Variants in THSD4 observed in about 807,000 individuals in gnomAD.
The protein encoded by THSD4 is thrombospondin type-1 domain-containing protein 4.
THSD4 carries 69 observed loss-of-function variants against 119.0 expected under a neutral mutation model. The ratio of observed to expected loss-of-function variants is 0.58; its 90% CI spans 0.48 to 0.71. The LOEUF is 0.71. Among genes scored for constraint, THSD4 ranks in the 30% least tolerant of loss-of-function variants. The probability of loss-of-function intolerance (pLI) is 0.00; values close to 1 mark genes in which losing one functional copy is unlikely to be tolerated. For synonymous variants in THSD4, 524 were observed against 540.4 expected (o/e 0.97, Z 0.42); for missense variants, 1,393 against 1,391.1 (o/e 1.00, Z -0.02).
chr15:71,342,525 G>C (rs972102297), intron 6 of THSD4: 1 of 152,770 alleles, frequency 6.5e-6, no homozygotes, highest in Non-Finnish European at 1.5e-5. Flanking sequence ...TTTCACTCCG[G>C]GTTTCCTTGC....
rs145303415 is a variant in THSD4, at chr15:71,777,267, G to A, written c.2950G>A (p.Val984Met). ...NCKDKYYNCN[V>M]VVQARLCVYN... ...CAAGGACAAGTACTACAACTGCAACGTGGTGGTCCAGGCAAGACTCTGTGT... is the reference window on the plus strand; with the variant it reads ...CAAGGACAAGTACTACAACTGCAACATGGTGGTCCAGGCAAGACTCTGTGT... The change falls in exon 18 of 18, where the codon GTG (valine) becomes ATG (methionine). Residue 984 changes from valine to methionine, a missense_variant. By Grantham distance (21) the Val-to-Met change is conservative. Coordinates refer to ENST00000261862, the MANE Select transcript of THSD4 (RefSeq NM_024817.3). 10 of 1,614,100 alleles carry A rather than the reference G, an allele frequency of 6.2e-6. No homozygotes were observed. The highest frequency in any genetic ancestry group is 5.3e-5 in the African/African-American group (4 of 74,946).
chr15:71,546,892 C>G (rs1595874585), intron 7 of THSD4, among the ~76,000 whole-genome samples: 1 of 152,172 alleles, frequency 6.6e-6, no homozygotes, highest in Non-Finnish European at 1.5e-5. Flanking sequence ...CAGCCCAGAG[C>G]GGACTGGCAA....
intron 7 of THSD4, among the ~76,000 whole-genome samples, chr15:71,597,196 C>T (rs555845097): frequency 3.9e-5 from 6 of 152,016 alleles, no homozygotes; most frequent in Non-Finnish European, 7.4e-5. Flanking sequence ...TTCTTGGGGA[C>T]GTTTTCTGTC....
chr15:71,235,442 T>A (rs1195599622), intron 4 of THSD4, among the ~76,000 whole-genome samples: 1 of 152,176 alleles, frequency 6.6e-6, no homozygotes, highest in Non-Finnish European at 1.5e-5. Flanking sequence ...GGGACTTAGA[T>A]TCCCCACTAT....
At chr15:71,658,108 C>T (rs78426023) in intron 7 of THSD4, among the ~76,000 whole-genome samples, 2 of 152,090 alleles carry the variant, frequency 1.3e-5, no homozygotes, top group African/African-American at 4.8e-5. Flanking sequence ...AGGTAAGGCC[C>T]GCTCCACACT....
intron 7 of THSD4, among the ~76,000 whole-genome samples, chr15:71,655,990 A>G (rs956007566): frequency 1.3e-5 from 2 of 152,220 alleles, no homozygotes; most frequent in African/African-American, 4.8e-5. Flanking sequence ...ACTGCACCCC[A>G]GGTTTTCTGG....
intron 11 of THSD4, 71 bp from the exon 12 acceptor site, chr15:71,745,033 CTG>C (rs2053307547): frequency 1.3e-6 from 2 of 1,541,910 alleles, no homozygotes; most frequent in Non-Finnish European, 1.8e-6. Context: ...ACCCGAATCT[CTG>C]TGCATCTCCA....
chr15:71,127,298 T>C (rs1333858851), intron 1 of THSD4, among the ~76,000 whole-genome samples: 2 of 152,242 alleles, frequency 1.3e-5, no homozygotes, highest in Non-Finnish European at 2.9e-5. Context: ...TATGCATAGG[T>C]ATACCATGTT....
chr15:71,143,678 T>C (rs1349570964), intron 2 of THSD4, among the ~76,000 whole-genome samples: 1 of 143,134 alleles, frequency 7.0e-6, no homozygotes, highest in Non-Finnish European at 1.5e-5. Flanking sequence ...CTTGGATTTT[T>C]TTCTTTCTTT....
At chr15:71,673,431 G>A (rs938663147) in intron 8 of THSD4, among the ~76,000 whole-genome samples, 1 of 152,030 alleles carries the variant, frequency 6.6e-6, no homozygotes, top group Non-Finnish European at 1.5e-5. Context: ...AGTCTTTTCA[G>A]AAAACCAGCT....
intron 3 of THSD4, among the ~76,000 whole-genome samples, chr15:71,181,811 T>A (rs564101640): frequency 4.0e-4 from 61 of 152,306 alleles, no homozygotes; most frequent in South Asian, 8.3e-4. Context: ...TCCTCTTCCA[T>A]CAAGGCAGAT....
chr15:71,346,465 C>T (rs1030391507), intron 6 of THSD4, among the ~76,000 whole-genome samples: 7 of 152,190 alleles, frequency 4.6e-5, no homozygotes, highest in African/African-American at 1.4e-4. Context: ...CTAATTGCCC[C>T]GTATTTGGCT....
chr15:71,389,810 G>GGTTTTTTTTTTTT (rs1555408976), intron 6 of THSD4, among the ~76,000 whole-genome samples: 35 of 88,020 alleles, frequency 4.0e-4, no homozygotes, highest in South Asian at 2.0e-3. Flanking sequence ...TTTCTGGGTT[G>GGTTTTTTTTTTTT]TTTTTTTTTT....
chr15:71,255,513 C>A (rs1465108920), intron 5 of THSD4, among the ~76,000 whole-genome samples: 1 of 152,192 alleles, frequency 6.6e-6, no homozygotes, highest in Non-Finnish European at 1.5e-5. Context: ...GATCTTATCC[C>A]AGATTTACTG....
At chr15:71,603,280 C>G (rs2050047432) in intron 7 of THSD4, among the ~76,000 whole-genome samples, 1 of 152,170 alleles carries the variant, frequency 6.6e-6, no homozygotes, top group South Asian at 2.1e-4. Context: ...AAAAAACTCT[C>G]TGCAAAGCAA....
At chr15:71,547,911 C>CTTT (rs33983525) in intron 7 of THSD4, 24 of 149,340 alleles carry the variant, frequency 1.6e-4, no homozygotes, top group Admixed American at 3.3e-4. Flanking sequence ...ACACTTCTCT[C>CTTT]TTTTTTTTTT....
intron 7 of THSD4, among the ~76,000 whole-genome samples, chr15:71,618,421 G>C (rs186507245): frequency 1.3e-5 from 2 of 152,102 alleles, no homozygotes; most frequent in Non-Finnish European, 2.9e-5. Flanking sequence ...ACAACAGAGC[G>C]CAGAAAGCAA....
chr15:71,141,968 C>T (rs1358160300), intron 2 of THSD4, among the ~76,000 whole-genome samples: 9 of 152,090 alleles, frequency 5.9e-5, no homozygotes, highest in Admixed American at 2.6e-4. Flanking sequence ...CTGGGCATGG[C>T]GGCAGGCACC....
At chr15:71,518,183 G>T (rs181148531) in intron 7 of THSD4, among the ~76,000 whole-genome samples, 1 of 152,136 alleles carries the variant, frequency 6.6e-6, no homozygotes, top group South Asian at 2.1e-4. Context: ...CTTACTTCTT[G>T]CGGGGAAACC....
Sources: gnomAD v4.1 joint callset for allele counts (sites outside exome capture counted in the v4.1 genomes callset) on GRCh38, gnomAD v4.1.1 for gene constraint, MANE v1.5 for transcripts, NCBI Gene and HGNC (gene_info 2026-07-23, HGNC 2026-07-21) for gene names.